Variants in CTNNA3 observed in about 807,000 individuals in gnomAD.
The protein encoded by CTNNA3 is catenin alpha 3.
A neutral mutation model predicts 95.7 loss-of-function variants in CTNNA3; 76 were observed. The observed-to-expected ratio is 0.79, with a 90% CI of 0.66 to 0.96. The LOEUF (loss-of-function observed/expected upper bound fraction) is 0.96. Ranked by LOEUF, CTNNA3 falls within the 40% of genes least tolerant of loss-of-function variation. The pLI is 0.00. For missense variants in CTNNA3, 1,191 were observed against 1,089.8 expected (o/e 1.09, Z -1.31); for synonymous variants, 431 against 374.4 (o/e 1.15, Z -1.74).
intron 5 of CTNNA3, among the ~76,000 whole-genome samples, chr10:67,436,520 G>A (rs769927498): frequency 2.0e-5 from 3 of 152,062 alleles, no homozygotes; most frequent in Non-Finnish European, 2.9e-5. Flanking sequence ...GGAACAGTCA[G>A]CAGAGTAAAC....
In CTNNA3 at chr10:67,507,728, C is replaced by A. The variant is rs1839473540; in HGVS notation, c.579+14114G>T. On this transcript the variant is annotated intron_variant, in intron 5 of 17. Coordinates refer to ENST00000433211, the MANE Select transcript of CTNNA3 (RefSeq NM_013266.4). ...AATACTACAAACTCATTTTATGAGG[C>A]CAACATTACCTGACACCAAAGCCAG... Among the ~76,000 whole-genome samples the A allele has an allele frequency of 2.0e-5, 3 of 152,066 alleles. No individual in the cohort carries two copies. The South Asian group carries it at 6.2e-4, about 32-fold the overall frequency.
chr10:66,276,330 A>C (rs927322112), intron 13 of CTNNA3, among the ~76,000 whole-genome samples: 1 of 152,194 alleles, frequency 6.6e-6, no homozygotes, highest in African/African-American at 2.4e-5. Context: ...CGTTATAGGA[A>C]AAATTTTACC....
chr10:66,749,551 T>C (rs1047093469), intron 9 of CTNNA3, among the ~76,000 whole-genome samples: 3 of 152,214 alleles, frequency 2.0e-5, no homozygotes, highest in Non-Finnish European at 4.4e-5. Context: ...AGCTCATTTT[T>C]TTGTGTTGAG....
intron 15 of CTNNA3, among the ~76,000 whole-genome samples, chr10:66,000,941 A>T (rs1055232108): frequency 3.9e-5 from 6 of 152,126 alleles, no homozygotes; most frequent in African/African-American, 1.4e-4. Flanking sequence ...CCCATAAAAC[A>T]TATCGAGTTA....
chr10:67,312,603 G>A (rs764382944), intron 5 of CTNNA3, among the ~76,000 whole-genome samples: 29 of 152,216 alleles, frequency 1.9e-4, no homozygotes, highest in Non-Finnish European at 5.9e-5. Context: ...GAGGAGACTG[G>A]ACATGCACAT....
chr10:67,092,955 G>C (rs983332809), intron 7 of CTNNA3, among the ~76,000 whole-genome samples: 12 of 151,992 alleles, frequency 7.9e-5, no homozygotes, highest in African/African-American at 2.9e-4. Context: ...TCTTAGCTAA[G>C]AGTATACATG....
intron 5 of CTNNA3, among the ~76,000 whole-genome samples, chr10:67,453,619 G>T (rs139050817): frequency 1.5e-3 from 221 of 152,200 alleles, no homozygotes; most frequent in African/African-American, 4.6e-3. Context: ...CATCCATTTG[G>T]AAAAGAAAAG....
chr10:66,374,828 G>C (rs1388133076), intron 12 of CTNNA3, among the ~76,000 whole-genome samples: 1 of 151,812 alleles, frequency 6.6e-6, no homozygotes, highest in East Asian at 1.9e-4. Flanking sequence ...TGTTGGCCAG[G>C]CTGGTCTTGA....
intron 8 of CTNNA3, among the ~76,000 whole-genome samples, chr10:66,766,981 T>C (rs898853193): frequency 6.6e-6 from 1 of 152,038 alleles, no homozygotes; most frequent in African/African-American, 2.4e-5. Context: ...CCTCACACTT[T>C]AAATTATTAA....
intron 5 of CTNNA3, among the ~76,000 whole-genome samples, chr10:67,517,775 C>T (rs1396706186): frequency 4.6e-5 from 7 of 152,248 alleles, no homozygotes; most frequent in South Asian, 2.1e-4. Flanking sequence ...GAGGTGTCAG[C>T]ATGTTCTTTT....
chr10:66,113,145 C>T (rs2082182161), intron 13 of CTNNA3, among the ~76,000 whole-genome samples: 1 of 152,038 alleles, frequency 6.6e-6, no homozygotes, highest in African/African-American at 2.4e-5. Flanking sequence ...TTTTCTGTGG[C>T]TGTTGATAAT....
intron 5 of CTNNA3, among the ~76,000 whole-genome samples, chr10:67,462,462 C>G (rs931011888): frequency 1.2e-4 from 19 of 152,166 alleles, no homozygotes; most frequent in South Asian, 4.1e-4. Context: ...AAGGAAAGGG[C>G]ACCTTCTAGT....
At chr10:67,451,486 A>G (rs1362406536) in intron 5 of CTNNA3, among the ~76,000 whole-genome samples, 2 of 152,170 alleles carry the variant, frequency 1.3e-5, no homozygotes, top group Non-Finnish European at 2.9e-5. Flanking sequence ...AGATAACAGA[A>G]ACACTAAAAT....
chr10:66,512,721 T>C (rs1469738659), intron 11 of CTNNA3, among the ~76,000 whole-genome samples: 1 of 152,122 alleles, frequency 6.6e-6, no homozygotes, highest in Non-Finnish European at 1.5e-5. Context: ...TCTTTGTATG[T>C]CTGGGAAAAT....
chr10:67,742,984 G>C (rs566365460), intron 1 of CTNNA3, among the ~76,000 whole-genome samples: 1 of 150,902 alleles, frequency 6.6e-6, no homozygotes, highest in Admixed American at 6.6e-5. Context: ...GACCAATAAC[G>C]GGGTCTGAAA....
At chr10:67,173,068 C>A (rs1318124088) in intron 7 of CTNNA3, among the ~76,000 whole-genome samples, 2 of 151,978 alleles carry the variant, frequency 1.3e-5, no homozygotes, top group Non-Finnish European at 2.9e-5. Context: ...AAATTAAATT[C>A]TCTGTGAAGC....
chr10:66,704,463 A>T (rs913844440), intron 9 of CTNNA3, among the ~76,000 whole-genome samples: 2 of 152,186 alleles, frequency 1.3e-5, no homozygotes, highest in Non-Finnish European at 2.9e-5. Flanking sequence ...ACAGTAATGC[A>T]TGTAGGTCTT....
At chr10:66,580,323 G>C (rs1033407393) in intron 10 of CTNNA3, among the ~76,000 whole-genome samples, 1 of 151,376 alleles carries the variant, frequency 6.6e-6, no homozygotes, top group Admixed American at 6.6e-5. Flanking sequence ...TATTAATGGG[G>C]TACATGTGCT....
intron 11 of CTNNA3, among the ~76,000 whole-genome samples, chr10:66,512,877 A>G (rs1200434545): frequency 3.3e-5 from 5 of 152,114 alleles, no homozygotes; most frequent in Non-Finnish European, 5.9e-5. Flanking sequence ...ATCTGCTGTT[A>G]GTCGGACAAA....
Sources: gnomAD v4.1 joint callset for allele counts (sites outside exome capture counted in the v4.1 genomes callset) on GRCh38, gnomAD v4.1.1 for gene constraint, MANE v1.5 for transcripts, NCBI Gene and HGNC (gene_info 2026-07-23, HGNC 2026-07-21) for gene names.